The following SPDYA variants were observed in gnomAD, a reference collection of about 807,000 sequenced individuals.
SPDYA encodes speedy protein A.
A neutral mutation model predicts 36.7 loss-of-function variants in SPDYA; 11 were observed. The ratio of observed to expected loss-of-function variants is 0.30; its 90% CI spans 0.19 to 0.50. SPDYA has a LOEUF of 0.50. Ranked by LOEUF, SPDYA falls within the 20% of genes least tolerant of loss-of-function variation. The pLI is 0.98. For synonymous variants in SPDYA, 115 were observed against 118.7 expected (o/e 0.97, Z 0.20); for missense variants, 287 against 370.9 (o/e 0.77, Z 1.86).
intron 5 of SPDYA, among the ~76,000 whole-genome samples, chr2:28,828,033 G>C (rs1642969181): frequency 1.3e-5 from 2 of 151,674 alleles, no homozygotes; most frequent in Admixed American, 6.6e-5. Flanking sequence ...ACCCAGGCTG[G>C]AGTGCAGTGT....
intron 3 of SPDYA, among the ~76,000 whole-genome samples, chr2:28,818,003 C>CA (rs61620093): frequency 0.52 from 75,276 of 144,372 alleles, 19,646 homozygotes; most frequent in Middle Eastern, 0.62. Context: ...CTCTACAATA[C>CA]AAAAAAAAAA....
At chr2:28,822,577 T>C (rs188865376) in intron 5 of SPDYA, among the ~76,000 whole-genome samples, 167 bp downstream of exon 5, 221 of 152,288 alleles carry the variant, frequency 1.5e-3, no homozygotes, top group African/African-American at 4.9e-3. Context: ...TTTTTTCACT[T>C]ATCATGCTAT....
chr2:28,817,011 T>C (rs1037900259), intron 3 of SPDYA, among the ~76,000 whole-genome samples: 4 of 151,938 alleles, frequency 2.6e-5, no homozygotes, highest in African/African-American at 7.3e-5. Context: ...TAGAGGAAGG[T>C]CAGGCGCATT....
chr2:28,837,132 CA>C (rs1317711920), intron 6 of SPDYA, among the ~76,000 whole-genome samples: 1 of 152,052 alleles, frequency 6.6e-6, no homozygotes, highest in Non-Finnish European at 1.5e-5. Context: ...TGACAGTATG[CA>C]AAAGAGATCC....
At chr2:28,834,167 C>T (rs909549637) in intron 6 of SPDYA, among the ~76,000 whole-genome samples, 14 of 151,458 alleles carry the variant, frequency 9.2e-5, no homozygotes, top group Admixed American at 7.9e-4. Flanking sequence ...ATCAAAAGCA[C>T]GATGAGATAT....
At chr2:28,843,598 CT>C (rs993287600) in intron 7 of SPDYA, among the ~76,000 whole-genome samples, 35 of 144,696 alleles carry the variant, frequency 2.4e-4, no homozygotes, top group Admixed American at 3.5e-4. Flanking sequence ...ATGAAGCATT[CT>C]TTTTTTTTTA....
intron 5 of SPDYA, among the ~76,000 whole-genome samples, chr2:28,824,280 C>T (rs1405880281): frequency 2.0e-5 from 3 of 151,608 alleles, no homozygotes; most frequent in Non-Finnish European, 4.4e-5. Flanking sequence ...AAGTCCAAGA[C>T]CAGCCTGGAC....
intron 6 of SPDYA, among the ~76,000 whole-genome samples, chr2:28,838,265 T>G (rs1194648216): frequency 6.9e-6 from 1 of 145,896 alleles, no homozygotes; most frequent in Non-Finnish European, 1.5e-5. Context: ...CACTGCAACC[T>G]CCACCTCCCA....
In SPDYA at chr2:28,843,045, C is replaced by T. The variant is rs115893035; in HGVS notation, c.850+2576C>T. Among the ~76,000 whole-genome samples the T allele has an allele frequency of 6.7e-3, 1,026 of 152,300 alleles. 10 individuals carry two copies. Among genetic ancestry groups the T allele is most frequent in the African/African-American group, 0.022 (927 of 41,562 alleles). ...CTTTAGACTTCTATGCGAAACTTAGCATAGATGGTGATCAGTGCTTCCACC... is the reference window on the plus strand; with the variant it reads ...CTTTAGACTTCTATGCGAAACTTAGTATAGATGGTGATCAGTGCTTCCACC... On this transcript the variant is annotated intron_variant, in intron 7 of 7. Coordinates refer to ENST00000334056, the MANE Select transcript of SPDYA (RefSeq NM_182756.4).
rs763650665 is a variant in SPDYA, at chr2:28,850,275, A to G, written c.*334A>G. On this transcript the variant is annotated 3_prime_UTR_variant, in exon 8 of 8. Coordinates refer to ENST00000334056, the MANE Select transcript of SPDYA (RefSeq NM_182756.4). ...AAGAGAAGAAAAACATAAAGTCATT[A>G]TATTAATTAAAAGAAAAAACACCAT... The G allele has an allele frequency of 1.2e-6, 2 of 1,603,984 alleles. No individual in the cohort carries two copies. Among genetic ancestry groups the G allele is most frequent in the Admixed American group, 1.7e-5 (1 of 59,314 alleles).
At position 28,850,437 on chromosome 2, in the gene SPDYA, A is replaced by T. The variant is rs1669029781; in HGVS notation, c.*496A>T. 1 of 1,386,660 alleles carries T rather than the reference A, an allele frequency of 7.2e-7. No homozygotes were observed. Among genetic ancestry groups the T allele is most frequent in the Non-Finnish European group, 1.0e-6 (1 of 1,002,464 alleles). The allele number at this position is 1,386,660 out of a possible 1,614,324, so 85.9% of individuals were successfully genotyped here. ...TAAAAAAATATATGTACTATAAGCTACATAAAATATTTTCTATTTTTTTCA... is the reference window on the plus strand; with the variant it reads ...TAAAAAAATATATGTACTATAAGCTTCATAAAATATTTTCTATTTTTTTCA... On this transcript the variant is annotated 3_prime_UTR_variant, in exon 8 of 8. Transcript: ENST00000334056.
At chr2:28,847,204 G>T (rs542806753) in intron 7 of SPDYA, among the ~76,000 whole-genome samples, 2 of 152,158 alleles carry the variant, frequency 1.3e-5, no homozygotes, top group East Asian at 3.9e-4. Context: ...TTAGCCAGGC[G>T]TGGGAGCGTG....
intron 7 of SPDYA, among the ~76,000 whole-genome samples, chr2:28,846,814 T>A (rs964529784): frequency 3.3e-5 from 5 of 150,414 alleles, no homozygotes; most frequent in African/African-American, 1.2e-4. Context: ...GTTAAAAAGG[T>A]CTTGTTCAAT....
At chr2:28,836,357 G>A (rs1668601935) in intron 6 of SPDYA, among the ~76,000 whole-genome samples, 3 of 152,176 alleles carry the variant, frequency 2.0e-5, no homozygotes, top group African/African-American at 7.2e-5. Flanking sequence ...AATAGCCGCA[G>A]TATTCCCTCC....
At chr2:28,826,557 C>T (rs564731254) in intron 5 of SPDYA, among the ~76,000 whole-genome samples, 10 of 151,240 alleles carry the variant, frequency 6.6e-5, no homozygotes, top group Non-Finnish European at 1.2e-4. Flanking sequence ...TGTTATGCCT[C>T]GCTCGGTCTT....
chr2:28,825,614 T>C (rs2148086633), intron 5 of SPDYA, among the ~76,000 whole-genome samples: 1 of 152,330 alleles, frequency 6.6e-6, no homozygotes, highest in Non-Finnish European at 1.5e-5. Context: ...TTATCATTCT[T>C]CCACATTACC....
chr2:28,848,358 C>G (rs935171266), intron 7 of SPDYA, among the ~76,000 whole-genome samples: 10 of 152,156 alleles, frequency 6.6e-5, no homozygotes, highest in Admixed American at 3.3e-4. Flanking sequence ...TGGCCTCATC[C>G]CCATCTATCT....
chr2:28,833,837 T>C (rs574661610), intron 6 of SPDYA, among the ~76,000 whole-genome samples: 1 of 152,198 alleles, frequency 6.6e-6, no homozygotes, highest in Non-Finnish European at 1.5e-5. Context: ...AAAAGTAACA[T>C]GTAACAAAAG....
Position 28,850,319 on chromosome 2 carries a change from A to G in SPDYA, c.*378A>G. On this transcript the variant is annotated 3_prime_UTR_variant, in exon 8 of 8. Transcript: ENST00000334056. Reference sequence around the variant, plus strand: ...ACACCATTTAATATGTTCTGAAAACATTACTCACCTGTATGACCAGGTTGC... The same window carrying G: ...ACACCATTTAATATGTTCTGAAAACGTTACTCACCTGTATGACCAGGTTGC... 1 of 1,607,098 alleles carries G rather than the reference A, an allele frequency of 6.2e-7. No individual in the cohort carries two copies. Among genetic ancestry groups the G allele is most frequent in the Non-Finnish European group, 8.5e-7 (1 of 1,175,156 alleles).
Sources: gnomAD v4.1 joint callset for allele counts (sites outside exome capture counted in the v4.1 genomes callset) on GRCh38, gnomAD v4.1.1 for gene constraint, MANE v1.5 for transcripts, NCBI Gene and HGNC (gene_info 2026-07-23, HGNC 2026-07-21) for gene names.